Variants in MRTFB observed in about 807,000 individuals in gnomAD.
The protein encoded by MRTFB is myocardin-related transcription factor B.
Under a neutral mutation model 104.2 loss-of-function variants are expected in MRTFB, and 29 were observed. That is an observed-to-expected ratio of 0.28 (90% confidence interval 0.21 to 0.38). MRTFB has a LOEUF of 0.38. Ranked by LOEUF, MRTFB falls within the 10% of genes least tolerant of loss-of-function variation. The pLI is 1.00. For synonymous variants in MRTFB, 535 were observed against 519.5 expected, an observed-to-expected ratio of 1.03 and a Z score of -0.41; for missense variants, 1,270 against 1,341.6, an observed-to-expected ratio of 0.95 and a Z score of 0.83.
intron 2 of MRTFB, among the ~76,000 whole-genome samples, chr16:14,132,473 TTAAC>T (rs1202348867): frequency 1.3e-5 from 2 of 152,228 alleles, no homozygotes; most frequent in Non-Finnish European, 2.9e-5. Flanking sequence ...GATCTCATGT[TTAAC>T]TAATAGTGTT....
At chr16:14,068,482 C>T (rs568055739), upstream of MRTFB, among the ~76,000 whole-genome samples, 70 of 152,038 alleles carry the variant, frequency 4.6e-4, no homozygotes, top group Non-Finnish European at 4.3e-4. Flanking sequence ...TTGTTGGTCA[C>T]GAAAGGCAAA....
At position 14,210,306 on chromosome 16, in the gene MRTFB, C is replaced by A; in HGVS notation, c.218C>A (p.Pro73Gln). Reference protein sequence around the residue: ...REQLVDQGIMPPLKSPAAFHE... With the variant: ...REQLVDQGIMQPLKSPAAFHE... ...CAACTAGTGGACCAGGGCATCATGC[C>A]ACGTAAGATTTATACCATCACTGCC... Residue 73 changes from proline (P) to glutamine (Q), a missense_variant and splice_region_variant, in exon 4 of 17, where the codon CCA becomes CAA. By Grantham distance (76) the Pro-to-Gln change is moderately conservative. Coordinates refer to ENST00000571589, the MANE Select transcript of MRTFB (RefSeq NM_001308142.2). 1 of 1,612,188 alleles carries A rather than the reference C, an allele frequency of 6.2e-7. No homozygotes were observed. The highest frequency in any genetic ancestry group is 1.1e-5 in the South Asian group (1 of 90,704).
intron 3 of MRTFB, among the ~76,000 whole-genome samples, chr16:14,182,353 A>G (rs772822602): frequency 9.8e-5 from 15 of 152,308 alleles, no homozygotes; most frequent in East Asian, 1.9e-4. Flanking sequence ...GGCAGAAGCT[A>G]TGGGAGACAG....
the MRTFB span, among the ~76,000 whole-genome samples, chr16:14,017,246 C>CG: frequency 6.6e-6 from 1 of 151,604 alleles, no homozygotes. Flanking sequence ...TTAATAGAGA[C>CG]GGGGTTTCAC....
chr16:14,065,299 C>T, the MRTFB span, among the ~76,000 whole-genome samples: 2 of 152,134 alleles, frequency 1.3e-5, no homozygotes, highest in Non-Finnish European at 2.9e-5. Context: ...GATTTTTCTA[C>T]ATTGATTTTG....
At chr16:14,017,687 G>GTATATATATATATATATA in the MRTFB span, among the ~76,000 whole-genome samples, 11 of 6,806 alleles carry the variant, frequency 1.6e-3, 1 homozygote, top group Non-Finnish European at 5.3e-3. Flanking sequence ...GTGTGTGTGT[G>GTATATATATATATATATA]TATATATATA....
At position 14,218,320 on chromosome 16, in the gene MRTFB, A is replaced by G. The variant is rs1367980618; in HGVS notation, c.515-500A>G. ...ATGATCCACCCGCCTCAGCCTCCCA[A>G]AGTGCTGCGATTACAGGCGTGAGCC... On this transcript the variant is annotated intron_variant, in intron 7 of 16. Coordinates refer to ENST00000571589, the MANE Select transcript of MRTFB (RefSeq NM_001308142.2). Among the ~76,000 whole-genome samples the G allele has an allele frequency of 8.6e-5, 13 of 152,014 alleles. No homozygotes were observed. The East Asian group carries it at 2.3e-3, about 27-fold the overall frequency.
the MRTFB span, chr16:14,021,033 G>A: frequency 6.6e-6 from 1 of 152,202 alleles, no homozygotes; most frequent in African/African-American, 2.4e-5. Context: ...AACCCATGTG[G>A]TATGTCAGTG....
At chr16:14,120,140 T>A (rs1177171268) in intron 2 of MRTFB, among the ~76,000 whole-genome samples, 3 of 152,228 alleles carry the variant, frequency 2.0e-5, no homozygotes, top group Non-Finnish European at 2.9e-5. Flanking sequence ...TTGTATGTTC[T>A]TTTTCTTATG....
At chr16:14,008,974 T>C in the MRTFB span, among the ~76,000 whole-genome samples, 2 of 58,214 alleles carry the variant, frequency 3.4e-5, no homozygotes, top group Non-Finnish European at 9.4e-5. Flanking sequence ...AGAGACAGGG[T>C]CTCTCTCTCT....
Position 14,247,453 on chromosome 16 carries a change from C to T in MRTFB, c.2193C>T (p.Ile731=), listed in dbSNP as rs1350713674. ...QTAQLLLPVS[I]QGSSVTSVQL... is the part of the protein sequence containing the mutation. ...CTCAGCTGCTGCTCCCAGTGTCCATCCAGGGCTCGAGTGTCACCTCAGTGC... is the reference window on the plus strand; with the variant it reads ...CTCAGCTGCTGCTCCCAGTGTCCATTCAGGGCTCGAGTGTCACCTCAGTGC... The change falls in exon 12 of 17, where the codon ATC becomes ATT. Residue 731 remains isoleucine (I), a synonymous_variant. Coordinates refer to ENST00000571589, the MANE Select transcript of MRTFB (RefSeq NM_001308142.2). 2 of 1,597,774 alleles carry T rather than the reference C, an allele frequency of 1.3e-6. No homozygotes were observed. The highest frequency in any genetic ancestry group is 1.7e-6 in the Non-Finnish European group (2 of 1,175,978).
At chr16:14,144,933 A>C (rs2142674087) in intron 3 of MRTFB, 1 of 147,128 alleles carries the variant, frequency 6.8e-6, no homozygotes, top group South Asian at 2.2e-4. Flanking sequence ...TGGGTGACAG[A>C]GCAAGACTCT....
chr16:14,203,250 ACCTCTCC>A (rs2040791395), intron 3 of MRTFB, among the ~76,000 whole-genome samples: 1 of 151,090 alleles, frequency 6.6e-6, no homozygotes, highest in South Asian at 2.1e-4. Context: ...GCTGTTCATC[ACCTCTCC>A]CCTCTCCCCT....
At chr16:14,166,377 C>T (rs770070763) in intron 3 of MRTFB, among the ~76,000 whole-genome samples, 1 of 152,038 alleles carries the variant, frequency 6.6e-6, no homozygotes, top group South Asian at 2.1e-4. Flanking sequence ...CTTTTATCCA[C>T]TTAACAGTCC....
At chr16:14,195,966 T>TGA in intron 3 of MRTFB, among the ~76,000 whole-genome samples, 1 of 152,390 alleles carries the variant, frequency 6.6e-6, no homozygotes, top group East Asian at 1.9e-4. Flanking sequence ...GCATTGTTGG[T>TGA]GATCAATTAA....
rs77400886 is a variant in MRTFB at position 14,164,859 on chromosome 16, T to C, written c.154+24099T>C. Reference sequence around the variant, plus strand: ...TGACACCAAAGCCGATGCTCAATTATGAGCATTTTTGCTTGCTTAAAGTAA... The same window carrying C: ...TGACACCAAAGCCGATGCTCAATTACGAGCATTTTTGCTTGCTTAAAGTAA... On this transcript the variant is annotated intron_variant, in intron 3 of 16. Transcript: ENST00000571589. Among the ~76,000 whole-genome samples, 1,201 of 152,092 alleles carry C rather than the reference T, an allele frequency of 7.9e-3. 62 individuals are homozygous for C. In the East Asian group the frequency reaches 0.15, roughly 19 times the overall value.
chr16:14,222,733 A>C (rs2041792239), intron 8 of MRTFB, among the ~76,000 whole-genome samples: 1 of 152,122 alleles, frequency 6.6e-6, no homozygotes, highest in Admixed American at 6.5e-5. Context: ...AGTGATCATT[A>C]AAGAAATGCA....
intron 3 of MRTFB, chr16:14,200,237 A>AT (rs1343088147): frequency 6.7e-6 from 9 of 1,348,456 alleles, no homozygotes; most frequent in East Asian, 2.4e-5. Context: ...AAGTATATGA[A>AT]TAATACATCC....
chr16:14,122,046 C>T (rs533433173), intron 2 of MRTFB, among the ~76,000 whole-genome samples: 71 of 152,214 alleles, frequency 4.7e-4, no homozygotes, highest in African/African-American at 1.6e-3. Flanking sequence ...CCTTTTTTCT[C>T]ACCTCCTGTC....
Sources: gnomAD v4.1 joint callset for allele counts (sites outside exome capture counted in the v4.1 genomes callset) on GRCh38, gnomAD v4.1.1 for gene constraint, MANE v1.5 for transcripts, NCBI Gene and HGNC (gene_info 2026-07-23, HGNC 2026-07-21) for gene names.